The following MTPN variants were observed in gnomAD, a reference collection of about 807,000 sequenced individuals.
The protein encoded by MTPN is myotrophin.
In MTPN, 2 loss-of-function variants were observed where a neutral mutation model predicts 13.5. The ratio of observed to expected loss-of-function variants is 0.15; its 90% CI spans 0.06 to 0.47. The LOEUF is 0.47. Ranked by LOEUF, MTPN falls within the 20% of genes least tolerant of loss-of-function variation. MTPN has a pLI of 0.97. For missense variants in MTPN, 79 were observed against 137.9 expected (o/e 0.57, Z 2.14); for synonymous variants, 46 against 51.7 (o/e 0.89, Z 0.48).
rs774703727 is a variant in MTPN at position 135,950,693 on chromosome 7, A to T, written c.187-11T>A. ...ATGTTTATCTGGAGCCTATGAAATA[A>T]TAAACAGAGATAACTTTATCTGTTT... On this transcript the variant is annotated splice_polypyrimidine_tract_variant and intron_variant, in intron 2 of 3. Coordinates refer to ENST00000393085, the MANE Select transcript of MTPN (RefSeq NM_145808.4). 1.3e-6 allele frequency: 2 copies of T among 1,568,732 alleles called. No homozygotes were observed. Among genetic ancestry groups the T allele is most frequent in the African/African-American group, 2.7e-5 (2 of 73,644 alleles).
rs1798965884 is a variant in MTPN at position 135,928,558 on chromosome 7, G to A, written c.*1368C>T. 1 of 166,800 alleles carries A rather than the reference G, an allele frequency of 6.0e-6. No individual in the cohort carries two copies. Among genetic ancestry groups the A allele is most frequent in the Admixed American group, 6.6e-5 (1 of 15,256 alleles). The allele number at this position is 166,800 out of a possible 1,614,324, so 10.3% of individuals were successfully genotyped here. A position where few individuals can be genotyped will look rare whatever the true frequency, so the allele number is the denominator to read the frequency against. On this transcript the variant is annotated 3_prime_UTR_variant, in exon 4 of 4. Transcript: ENST00000393085. The stretch of plus-strand genomic sequence containing the variant: ...GACTTGGTCTTAATATTTTTAGCAA[G>A]CTTATATGGATGGCAAGTCAAAGGA...
At chr7:135,951,675 A>G (rs1383806547) in intron 1 of MTPN, 45 bp from the exon 2 acceptor site, 1 of 1,334,510 alleles carries the variant, frequency 7.5e-7, no homozygotes, top group Admixed American at 1.9e-5. Context: ...TGAATGGAAG[A>G]CTGAAGAAGT....
rs141629150 is a variant in MTPN, at chr7:135,941,103, T to G, written c.270+9496A>C. On this transcript the variant is annotated intron_variant, in intron 3 of 3. Coordinates refer to ENST00000393085, the MANE Select transcript of MTPN (RefSeq NM_145808.4). ...ACAGAAAATGTTTACTACCTGGCCC[T>G]TAATAGAAAATGTTTGTTGCCCACT... Among the ~76,000 whole-genome samples, 22 of 152,342 alleles carry G rather than the reference T, an allele frequency of 1.4e-4. No individual in the cohort carries two copies. In the East Asian group the frequency reaches 3.9e-3, roughly 27 times the overall value.
intron 3 of MTPN, among the ~76,000 whole-genome samples, chr7:135,939,576 C>T (rs7384117): frequency 0.3 from 1,412 of 4,730 alleles, 148 homozygotes; most frequent in Middle Eastern, 0.5. Context: ...AAAATGGGGG[C>T]GGGGGGGGGG....
intron 3 of MTPN, among the ~76,000 whole-genome samples, chr7:135,937,942 T>C (rs1252585735): frequency 6.6e-6 from 1 of 152,220 alleles, no homozygotes; most frequent in Non-Finnish European, 1.5e-5. Flanking sequence ...ATATAACTCA[T>C]ACAAAAAATA....
chr7:135,976,924 TCCTCCC>T, intron 1 of MTPN, 99 bp downstream of exon 1: 1 of 724,844 alleles, frequency 1.4e-6, no homozygotes, highest in Non-Finnish European at 2.5e-6. Flanking sequence ...AGGAAGTCTC[TCCTCCC>T]GCCCACCCCC....
chr7:135,964,010 A>G (rs1160490649), intron 1 of MTPN, among the ~76,000 whole-genome samples: 1 of 147,104 alleles, frequency 6.8e-6, no homozygotes, highest in Non-Finnish European at 1.5e-5. Flanking sequence ...TTATATAAAG[A>G]AAGACTATCA....
At chr7:135,950,539 T>A in intron 3 of MTPN, 60 bp downstream of exon 3, 2 of 1,297,476 alleles carry the variant, frequency 1.5e-6, no homozygotes, top group East Asian at 2.3e-5. Flanking sequence ...AAATTAACAA[T>A]CAAATACTTG....
chr7:135,974,496 A>G (rs1224273079), intron 1 of MTPN, among the ~76,000 whole-genome samples: 1 of 152,170 alleles, frequency 6.6e-6, no homozygotes, highest in African/African-American at 2.4e-5. Flanking sequence ...GCGACAAAGC[A>G]AAGACCCTGT....
intron 1 of MTPN, among the ~76,000 whole-genome samples, chr7:135,961,328 CA>C (rs1799519267): frequency 6.6e-6 from 1 of 151,814 alleles, no homozygotes; most frequent in Admixed American, 6.6e-5. Context: ...CCCCCCCTCC[CA>C]AAAATAGTTT....
At chr7:135,948,330 CTT>C (rs1391090130) in intron 3 of MTPN, among the ~76,000 whole-genome samples, 3 of 152,108 alleles carry the variant, frequency 2.0e-5, no homozygotes, top group African/African-American at 7.2e-5. Context: ...AAGAAAATCT[CTT>C]TCATATAAAA....
intron 3 of MTPN, among the ~76,000 whole-genome samples, chr7:135,936,584 G>T (rs999489814): frequency 5.3e-5 from 8 of 152,222 alleles, no homozygotes; most frequent in Admixed American, 4.6e-4. Context: ...ACAGACTGCT[G>T]TGAATATATC....
In MTPN at chr7:135,950,639, T is replaced by G; in HGVS notation, c.230A>C (p.Tyr77Ser). Residue 77 changes from tyrosine (Y) to serine (S), a missense_variant, in exon 3 of 4, where the codon TAT (tyrosine) becomes TCT (serine). Coordinates refer to ENST00000393085, the MANE Select transcript of MTPN (RefSeq NM_145808.4). ...HHITPLLSAV[Y>S]EGHVSCVKLL... is the part of the protein sequence containing the mutation. ...TTTCACACAGGAAACATGACCCTCATAGACAGCAGACAGAAGAGGAGTAAT... is the reference window on the plus strand; with the variant it reads ...TTTCACACAGGAAACATGACCCTCAGAGACAGCAGACAGAAGAGGAGTAAT... The G allele has an allele frequency of 6.2e-7, 1 of 1,613,400 alleles. No homozygotes were observed. Among genetic ancestry groups the G allele is most frequent in the South Asian group, 1.1e-5 (1 of 91,018 alleles).
intron 1 of MTPN, among the ~76,000 whole-genome samples, chr7:135,974,582 T>G (rs1048185936): frequency 2.0e-5 from 3 of 152,216 alleles, no homozygotes; most frequent in Non-Finnish European, 4.4e-5. Context: ...AATGCTTATC[T>G]TACTCTTACA....
chr7:135,940,598 A>G (rs1034092304), intron 3 of MTPN, among the ~76,000 whole-genome samples: 2 of 152,220 alleles, frequency 1.3e-5, no homozygotes, highest in African/African-American at 4.8e-5. Context: ...TCTCAAGCTC[A>G]GTTAAGAAAC....
At chr7:135,949,813 T>C (rs1004704646) in intron 3 of MTPN, among the ~76,000 whole-genome samples, 10 of 152,232 alleles carry the variant, frequency 6.6e-5, no homozygotes, top group Non-Finnish European at 1.3e-4. Context: ...ATGCTTTATA[T>C]ACATCTACTC....
chr7:135,945,588 T>G (rs1799277569), intron 3 of MTPN, among the ~76,000 whole-genome samples: 1 of 152,180 alleles, frequency 6.6e-6, no homozygotes, highest in Non-Finnish European at 1.5e-5. Context: ...CCTCCATATC[T>G]TGTCCCATTG....
chr7:135,934,704 C>A (rs151308669), intron 3 of MTPN, among the ~76,000 whole-genome samples: 1 of 152,156 alleles, frequency 6.6e-6, no homozygotes, highest in Non-Finnish European at 1.5e-5. Context: ...GTCTAGTCAA[C>A]ATATATAGTA....
chr7:135,939,014 TAA>T (rs1164864780), intron 3 of MTPN, among the ~76,000 whole-genome samples: 2 of 152,188 alleles, frequency 1.3e-5, no homozygotes, highest in Non-Finnish European at 2.9e-5. Flanking sequence ...TACCTGAAAT[TAA>T]GTTACATTTA....
Sources: allele counts gnomAD v4.1 joint callset (sites outside exome capture counted in the v4.1 genomes callset), GRCh38; gene constraint gnomAD v4.1.1; transcripts MANE v1.5; gene names NCBI Gene and HGNC (gene_info 2026-07-23, HGNC 2026-07-21).